The following RADIL variants were observed in gnomAD, a reference collection of about 807,000 sequenced individuals.
The protein encoded by RADIL is Rap associating with DIL domain.
A neutral mutation model predicts 97.6 loss-of-function variants in RADIL; 99 were observed. That is an observed-to-expected ratio of 1.01 (90% CI 0.86 to 1.20). The LOEUF is 1.20. RADIL is among the 50% of genes most tolerant of loss of function. RADIL has a pLI of 0.00. For missense variants in RADIL, 1,765 were observed against 1,498.9 expected, an observed-to-expected ratio of 1.18 and a Z score of -2.93; for synonymous variants, 803 against 691.8, an observed-to-expected ratio of 1.16 and a Z score of -2.52.
chr7:4,878,065 G>T lies in RADIL; in HGVS notation c.75C>A (p.Ser25=), dbSNP rs1013289461. ...SKLKRQSQLL[S]SMLSRTLSYK... Reference sequence around the variant, plus strand: ...AGCTCAGCGTCCGGGACAGCATGCTGGACAACAGCTGGCTCTGCCGCTTCA... The same window carrying T: ...AGCTCAGCGTCCGGGACAGCATGCTTGACAACAGCTGGCTCTGCCGCTTCA... The change falls in exon 2 of 15, where the codon TCC becomes TCA. Residue 25 remains serine, a synonymous_variant. Transcript: ENST00000399583. The surrounding 1 kb of genome is among the most constrained non-coding windows in gnomAD (Gnocchi z 4.1). 3 of 1,601,200 alleles carry T rather than the reference G, an allele frequency of 1.9e-6. No individual in the cohort carries two copies. Among genetic ancestry groups the T allele is most frequent in the Non-Finnish European group, 2.6e-6 (3 of 1,174,760 alleles).
At chr7:4,807,422 C>CG (rs1232199230) in intron 9 of RADIL, among the ~76,000 whole-genome samples, 1 of 151,968 alleles carries the variant, frequency 6.6e-6, no homozygotes, top group African/African-American at 2.4e-5. Flanking sequence ...GACCAGAGGT[C>CG]GGGGCCAAGA....
chr7:4,873,091 C>T lies in RADIL; in HGVS notation c.535+4514G>A, dbSNP rs564976361. Among the ~76,000 whole-genome samples the T allele has an allele frequency of 1.2e-3, 184 of 152,256 alleles. 3 individuals are homozygous for T. The South Asian group carries it at 0.026, about 21-fold the overall frequency. On this transcript the variant is annotated intron_variant, in intron 2 of 14. Transcript: ENST00000399583. This position sits in a 1 kb window ranked among gnomAD's most constrained non-coding sequence, Gnocchi z 4.3. ...GATTACAGGTATGCACCATCATGCC[C>T]GGCTACTTCTTTTATATTTTCAGTA...
Position 4,842,229 on chromosome 7 carries a change from G to A in RADIL, c.536-5624C>T, listed in dbSNP as rs898456046. ...GCAATGGGGAAGATGGGGATGGGAC[G>A]GTCGTTGTTGACATCTTCTTCTACT... On this transcript the variant is annotated intron_variant, in intron 2 of 14. Transcript: ENST00000399583. The surrounding 1 kb of genome is among the most constrained non-coding windows in gnomAD (Gnocchi z 4.5). Among the ~76,000 whole-genome samples the A allele has an allele frequency of 7.2e-5, 11 of 152,086 alleles. No homozygotes were observed. The highest frequency in any genetic ancestry group is 2.1e-4 in the South Asian group (1 of 4,816).
In RADIL at chr7:4,806,081, C is replaced by T. The variant is rs917347089; in HGVS notation, c.2140-365G>A. On this transcript the variant is annotated intron_variant, in intron 9 of 14. Coordinates refer to ENST00000399583, the MANE Select transcript of RADIL (RefSeq NM_018059.5). Reference sequence around the variant, plus strand: ...ACGGTGTGAAAGAAATCAATCAAGTCGGCTAAAAACCTGCCTGGAAGGCAG... The same window carrying T: ...ACGGTGTGAAAGAAATCAATCAAGTTGGCTAAAAACCTGCCTGGAAGGCAG... 17 of 982,776 alleles carry T rather than the reference C, an allele frequency of 1.7e-5. 1 individual carries two copies. The highest frequency in any genetic ancestry group is 9.4e-5 in the South Asian group (2 of 21,232). The allele number at this position is 982,776 out of a possible 1,614,324, so 60.9% of individuals were successfully genotyped here.
intron 4 of RADIL, among the ~76,000 whole-genome samples, chr7:4,832,741 CAAAAAAAAAA>C (rs71032992): frequency 3.0e-5 from 2 of 66,522 alleles, no homozygotes; most frequent in Admixed American, 1.8e-4. Flanking sequence ...TCCGTCTCAG[CAAAAAAAAAA>C]AAAAAAAAAA....
At chr7:4,868,264 G>A (rs560187879) in intron 2 of RADIL, among the ~76,000 whole-genome samples, 224 of 152,250 alleles carry the variant, frequency 1.5e-3, no homozygotes, top group Non-Finnish European at 2.4e-3. Context: ...GGGTTTCACC[G>A]TGTTAGCCAG....
intron 2 of RADIL, chr7:4,861,233 T>A: frequency 6.2e-7 from 1 of 1,614,200 alleles, no homozygotes; most frequent in Non-Finnish European, 8.5e-7. Context: ...AATGTCTAAA[T>A]TTTTAAGTAG....
At chr7:4,882,641 A>C (rs890848693) in intron 1 of RADIL, among the ~76,000 whole-genome samples, 2 of 152,178 alleles carry the variant, frequency 1.3e-5, no homozygotes, top group African/African-American at 4.8e-5. Flanking sequence ...CGCAGACTTT[A>C]CACACTCAGC....
chr7:4,875,181 G>A (rs1460311769), intron 2 of RADIL, among the ~76,000 whole-genome samples: 5 of 126,230 alleles, frequency 4.0e-5, no homozygotes, highest in African/African-American at 2.1e-4. Context: ...GACAGAGCGA[G>A]ACTCCATCTC....
chr7:4,869,811 A>G (rs1223740085), intron 2 of RADIL, among the ~76,000 whole-genome samples: 1 of 152,148 alleles, frequency 6.6e-6, no homozygotes, highest in Non-Finnish European at 1.5e-5. Context: ...TATCATAGGC[A>G]TTCGAGAATC....
At chr7:4,858,906 C>CT (rs1321565904) in intron 2 of RADIL, 1 of 152,098 alleles carries the variant, frequency 6.6e-6, no homozygotes, top group Non-Finnish European at 1.5e-5. Context: ...AGGCAAAAAG[C>CT]TTTTTTGTTT....
At chr7:4,830,427 G>A (rs780970750) in intron 5 of RADIL, among the ~76,000 whole-genome samples, 8 of 152,220 alleles carry the variant, frequency 5.3e-5, no homozygotes, top group Non-Finnish European at 7.3e-5. Context: ...TAGAGATAGT[G>A]CTTTCTGCGC....
intron 2 of RADIL, among the ~76,000 whole-genome samples, chr7:4,846,850 A>G (rs1783587290): frequency 6.6e-6 from 1 of 152,182 alleles, no homozygotes. Flanking sequence ...CCCAGCCACA[A>G]CCACATTTTT....
At position 4,822,522 on chromosome 7, in the gene RADIL, A is replaced by G; in HGVS notation, c.1487T>C (p.Met496Thr). The change falls in exon 6 of 15, where the codon ATG (methionine) becomes ACG (threonine). Residue 496 changes from methionine (M) to threonine (T), a missense_variant. Met to Thr is a moderately conservative substitution (Grantham distance 81, BLOSUM62 -1). Coordinates refer to ENST00000399583, the MANE Select transcript of RADIL (RefSeq NM_018059.5). This position sits in a 1 kb window ranked among gnomAD's most constrained non-coding sequence, Gnocchi z 5.3. The part of the protein sequence containing the change: ...QEPISLASCA[M>T]ADLVPDLQPI... ...CTGCAAGTCTGGAACCAGATCAGCC[A>G]TGGCGCAGCTGGCCAGCGAGATGGG... The G allele has an allele frequency of 6.2e-7, 1 of 1,613,076 alleles. No individual in the cohort carries two copies. The highest frequency in any genetic ancestry group is 8.5e-7 in the Non-Finnish European group (1 of 1,179,988).
At chr7:4,802,277 G>A (rs149198552) in intron 11 of RADIL, among the ~76,000 whole-genome samples, 2,050 of 150,098 alleles carry the variant, frequency 0.014, 47 homozygotes, top group African/African-American at 0.048. Context: ...CGGGCACCTC[G>A]GGGCACGCTG....
Position 4,822,007 on chromosome 7 carries a change from C to T in RADIL, c.1615+387G>A, listed in dbSNP as rs530348135. ...ACGGGCGGCGGTCTCATGGCCGACG[C>T]TCTCTCTACCGCCCCTTACATTTGG... On this transcript the variant is annotated intron_variant, in intron 6 of 14. Coordinates refer to ENST00000399583, the MANE Select transcript of RADIL (RefSeq NM_018059.5). The surrounding 1 kb of genome is among the most constrained non-coding windows in gnomAD (Gnocchi z 5.3). 6.6e-6 allele frequency among the ~76,000 whole-genome samples: 1 copy of T among 152,288 alleles called. No homozygotes were observed. Among genetic ancestry groups the T allele is most frequent in the South Asian group, 2.1e-4 (1 of 4,818 alleles).
intron 9 of RADIL, 99 bp from the exon 10 acceptor site, chr7:4,805,815 A>C (rs1775439039): frequency 6.7e-7 from 1 of 1,485,746 alleles, no homozygotes; most frequent in Admixed American, 2.1e-5. Flanking sequence ...TAGCCAGCTG[A>C]GGGGCCCTGT....
intron 10 of RADIL, among the ~76,000 whole-genome samples, chr7:4,804,454 A>T (rs1251784060): frequency 1.3e-5 from 2 of 152,156 alleles, no homozygotes; most frequent in Admixed American, 6.5e-5. Flanking sequence ...TTAACACATA[A>T]TGCAGATGAA....
Position 4,818,953 on chromosome 7 carries a change from A to G in RADIL, c.1616-1602T>C, listed in dbSNP as rs1417382267. On this transcript the variant is annotated intron_variant, in intron 6 of 14. Coordinates refer to ENST00000399583, the MANE Select transcript of RADIL (RefSeq NM_018059.5). The surrounding 1 kb of genome is among the most constrained non-coding windows in gnomAD (Gnocchi z 7.1). ...TTTTTGGTAGAGATGGGATCTCACT[A>G]TGTTGCCCAGGCTGGTCTGGAACTC... Among the ~76,000 whole-genome samples, 3 of 151,814 alleles carry G rather than the reference A, an allele frequency of 2.0e-5. No individual in the cohort carries two copies. The East Asian group carries it at 5.8e-4, about 30-fold the overall frequency.
Sources: allele counts gnomAD v4.1 joint callset (sites outside exome capture counted in the v4.1 genomes callset), GRCh38; gene constraint gnomAD v4.1.1; non-coding constraint Gnocchi (gnomAD v3.1); transcripts MANE v1.5; gene names NCBI Gene and HGNC (gene_info 2026-07-23, HGNC 2026-07-21).